Variants in BICC1 observed in about 807,000 individuals in gnomAD.
BICC1 encodes the protein protein bicaudal C homolog 1.
BICC1 carries 43 observed loss-of-function variants against 111.0 expected under a neutral mutation model. That is an observed-to-expected ratio of 0.39 (90% CI 0.30 to 0.50). The LOEUF (loss-of-function observed/expected upper bound fraction) is 0.50. BICC1 is among the 20% of genes least tolerant of loss of function. The pLI is 0.88. For missense variants in BICC1, 1,091 were observed against 1,203.2 expected, an observed-to-expected ratio of 0.91 and a Z score of 1.38; for synonymous variants, 467 against 434.4, an observed-to-expected ratio of 1.07 and a Z score of -0.93.
At chr10:58,523,808 T>C (rs1842457411) in intron 1 of BICC1, among the ~76,000 whole-genome samples, 1 of 152,110 alleles carries the variant, frequency 6.6e-6, no homozygotes, top group African/African-American at 2.4e-5. Flanking sequence ...GAAAACCCCA[T>C]CGTCTCAGCC....
intron 1 of BICC1, among the ~76,000 whole-genome samples, chr10:58,589,135 T>G (rs990053738): frequency 1.6e-4 from 24 of 152,190 alleles, no homozygotes; most frequent in South Asian, 6.2e-4. Context: ...AGAGTTCCCC[T>G]GCAGAATTCG....
chr10:58,726,357 A>C (rs1328447096), intron 3 of BICC1, among the ~76,000 whole-genome samples: 3 of 152,334 alleles, frequency 2.0e-5, no homozygotes, highest in Non-Finnish European at 2.9e-5. Flanking sequence ...CTGAATAGCT[A>C]TTCAATGAGA....
At chr10:58,765,826 C>G (rs962209591) in intron 3 of BICC1, among the ~76,000 whole-genome samples, 5 of 152,100 alleles carry the variant, frequency 3.3e-5, no homozygotes, top group African/African-American at 1.2e-4. Context: ...TTTCATTTTT[C>G]CTCTTAAAGT....
chr10:58,648,821 A>G (rs1302661659), intron 2 of BICC1, among the ~76,000 whole-genome samples: 2 of 152,112 alleles, frequency 1.3e-5, no homozygotes, highest in Admixed American at 1.3e-4. Flanking sequence ...TGATAGTTGC[A>G]CTATGCATGT....
chr10:58,787,960 A>C (rs565451081), intron 5 of BICC1, among the ~76,000 whole-genome samples: 20 of 152,182 alleles, frequency 1.3e-4, no homozygotes, highest in African/African-American at 3.4e-4. Context: ...ATTGTGTACC[A>C]TCTGGTATGG....
chr10:58,755,746 G>A (rs1842125953), intron 3 of BICC1, among the ~76,000 whole-genome samples: 1 of 151,586 alleles, frequency 6.6e-6, no homozygotes, highest in Admixed American at 6.6e-5. Flanking sequence ...TTTCAGTTGG[G>A]TTTTGGGAAA....
intron 1 of BICC1, among the ~76,000 whole-genome samples, chr10:58,535,742 A>G (rs1352611800): frequency 6.6e-6 from 1 of 151,766 alleles, no homozygotes; most frequent in Non-Finnish European, 1.5e-5. Flanking sequence ...CTAACATTGA[A>G]TGGAGATGGT....
At chr10:58,532,240 G>A (rs1052704242) in intron 1 of BICC1, among the ~76,000 whole-genome samples, 2 of 151,634 alleles carry the variant, frequency 1.3e-5, no homozygotes, top group African/African-American at 2.4e-5. Flanking sequence ...AGCATCGCAG[G>A]ACAGAGTGGA....
chr10:58,664,425 GT>G (rs1185557551), intron 2 of BICC1, among the ~76,000 whole-genome samples: 1 of 151,512 alleles, frequency 6.6e-6, no homozygotes, highest in African/African-American at 2.4e-5. Context: ...CTGGATATAG[GT>G]TCTTCATAAG....
intron 1 of BICC1, among the ~76,000 whole-genome samples, chr10:58,531,386 C>T (rs1842678204): frequency 6.6e-6 from 1 of 151,830 alleles, no homozygotes; most frequent in Non-Finnish European, 1.5e-5. Flanking sequence ...AAATTCATCT[C>T]TGTAAAAGGT....
chr10:58,535,798 C>T (rs1412359919), intron 1 of BICC1, among the ~76,000 whole-genome samples: 2 of 151,588 alleles, frequency 1.3e-5, no homozygotes, highest in Non-Finnish European at 3.0e-5. Flanking sequence ...TGAATAAAAT[C>T]GTCACAAACC....
At chr10:58,771,289 C>G (rs1589123368) in intron 3 of BICC1, among the ~76,000 whole-genome samples, 1 of 152,054 alleles carries the variant, frequency 6.6e-6, no homozygotes, top group East Asian at 1.9e-4. Flanking sequence ...GGAATAAAGG[C>G]ACAAAAATTA....
chr10:58,738,434 TCCA>T (rs1841546534), intron 3 of BICC1, among the ~76,000 whole-genome samples: 1 of 152,178 alleles, frequency 6.6e-6, no homozygotes, highest in Admixed American at 6.6e-5. Flanking sequence ...TCTGTTCTGT[TCCA>T]TTGGTCTATA....
intron 1 of BICC1, among the ~76,000 whole-genome samples, chr10:58,518,969 A>G (rs1270409935): frequency 1.3e-5 from 2 of 152,194 alleles, no homozygotes; most frequent in East Asian, 1.9e-4. Context: ...TTGTTATACC[A>G]ATGACTTTTA....
At chr10:58,588,727 C>T (rs1844508286) in intron 1 of BICC1, among the ~76,000 whole-genome samples, 1 of 152,164 alleles carries the variant, frequency 6.6e-6, no homozygotes, top group South Asian at 2.1e-4. Context: ...AAAAACGCAT[C>T]CCTATGTTGC....
Position 58,683,032 on chromosome 10 carries a change from T to C in BICC1, c.238-19042T>C, listed in dbSNP as rs182896904. On this transcript the variant is annotated intron_variant, in intron 2 of 20. Transcript: ENST00000373886. Reference sequence around the variant, plus strand: ...TGGTTTTAGGTCTAACAATTAAGTCTTTAATCCATCTTGAATTAATTTTTG... The same window carrying C: ...TGGTTTTAGGTCTAACAATTAAGTCCTTAATCCATCTTGAATTAATTTTTG... Among the ~76,000 whole-genome samples the C allele has an allele frequency of 7.1e-3, 1,077 of 152,266 alleles. 14 individuals are homozygous for C. Among genetic ancestry groups the C allele is most frequent in the African/African-American group, 0.024 (1,018 of 41,556 alleles).
chr10:58,815,248 G>C (rs1564629990), intron 18 of BICC1, among the ~76,000 whole-genome samples: 1 of 152,148 alleles, frequency 6.6e-6, no homozygotes, highest in Non-Finnish European at 1.5e-5. Flanking sequence ...TGTATTATCA[G>C]GAGTCTCAGA....
chr10:58,724,747 T>C (rs1841047857), intron 3 of BICC1, among the ~76,000 whole-genome samples: 1 of 152,242 alleles, frequency 6.6e-6, no homozygotes, highest in African/African-American at 2.4e-5. Context: ...GCTTACAGAC[T>C]GGCAGTCACC....
chr10:58,820,586 G>A (rs1483612618), intron 20 of BICC1, 118 bp downstream of exon 20: 4 of 655,882 alleles, frequency 6.1e-6, no homozygotes, highest in African/African-American at 3.6e-5. Context: ...CCTTGGTTGT[G>A]GTTTCAGAGG....
Sources: gnomAD v4.1 joint callset for allele counts (sites outside exome capture counted in the v4.1 genomes callset) on GRCh38, gnomAD v4.1.1 for gene constraint, MANE v1.5 for transcripts, NCBI Gene and HGNC (gene_info 2026-07-23, HGNC 2026-07-21) for gene names.